Variants in CEP170 observed in about 807,000 individuals in gnomAD.
CEP170 encodes the protein centrosomal protein of 170 kDa.
In CEP170, 21 loss-of-function variants were observed where a neutral mutation model predicts 151.9. That is an observed-to-expected ratio of 0.14 (90% CI 0.10 to 0.20). CEP170 has a LOEUF of 0.20. Among genes scored for constraint, CEP170 ranks in the 10% least tolerant of loss-of-function variants. CEP170 has a pLI of 1.00. For synonymous variants in CEP170, 356 were observed against 648.8 expected (o/e 0.55, Z 6.86); for missense variants, 964 against 1,892.9 (o/e 0.51, Z 9.11).
chr1:243,190,176 C>T (rs899792175), intron 8 of CEP170, among the ~76,000 whole-genome samples: 3 of 152,170 alleles, frequency 2.0e-5, no homozygotes, highest in African/African-American at 7.2e-5. Context: ...AGTACAAAAA[C>T]TCCTAATATA....
intron 1 of CEP170, among the ~76,000 whole-genome samples, chr1:243,229,550 A>G (rs1261793639): frequency 1.3e-5 from 2 of 152,196 alleles, no homozygotes; most frequent in Non-Finnish European, 2.9e-5. Context: ...GCCATCTTTC[A>G]TGGTAGCAGC....
intron 17 of CEP170, among the ~76,000 whole-genome samples, chr1:243,133,822 A>G (rs1256886525): frequency 2.6e-5 from 4 of 152,242 alleles, no homozygotes; most frequent in African/African-American, 9.6e-5. Flanking sequence ...TAAGACAATA[A>G]CAGGGTGCTA....
intron 10 of CEP170, among the ~76,000 whole-genome samples, chr1:243,183,709 T>C (rs1303789447): frequency 6.6e-6 from 1 of 152,168 alleles, no homozygotes; most frequent in Non-Finnish European, 1.5e-5. Flanking sequence ...CTTCATTTTC[T>C]GGTTTATACA....
At chr1:243,132,824 G>C (rs1439148154) in intron 17 of CEP170, among the ~76,000 whole-genome samples, 1 of 152,160 alleles carries the variant, frequency 6.6e-6, no homozygotes, top group East Asian at 1.9e-4. Context: ...TAAGACTCCA[G>C]TTAGCAGGGA....
chr1:243,133,285 C>T lies in CEP170; in HGVS notation c.4319+2858G>A, dbSNP rs543576793. On this transcript the variant is annotated intron_variant, in intron 17 of 19. Coordinates refer to ENST00000366542, the MANE Select transcript of CEP170 (RefSeq NM_014812.3). ...TAATTAACTGTTTACCTGCCTTCTA[C>T]ACTCAAATGTGAGGACATCAAAAAC... Among the ~76,000 whole-genome samples, 7 of 152,338 alleles carry T rather than the reference C, an allele frequency of 4.6e-5. No homozygotes were observed. In the East Asian group the frequency reaches 1.4e-3, roughly 29 times the overall value.
At chr1:243,239,050 A>G (rs2064535879) in intron 1 of CEP170, among the ~76,000 whole-genome samples, 1 of 152,226 alleles carries the variant, frequency 6.6e-6, no homozygotes, top group Admixed American at 6.5e-5. Flanking sequence ...TGGGCTTCCA[A>G]TATTGCTTAT....
chr1:243,178,911 G>A (rs2059435929), intron 10 of CEP170, among the ~76,000 whole-genome samples: 1 of 151,976 alleles, frequency 6.6e-6, no homozygotes, highest in Non-Finnish European at 1.5e-5. Flanking sequence ...GTAGAGAGGG[G>A]GTTTCACCGT....
In CEP170 at chr1:243,152,521, ATTTTTTTTT is replaced by A. The variant is rs371392454; in HGVS notation, c.3911+3691_3911+3699del. Among the ~76,000 whole-genome samples the A allele has an allele frequency of 5.9e-3, 326 of 54,948 alleles. 4 individuals carry two copies. Among genetic ancestry groups the A allele is most frequent in the African/African-American group, 0.02 (261 of 13,264 alleles). 36.0% of individuals were successfully genotyped at this position (54,948 alleles called of 152,430 possible). A position where few individuals can be genotyped will look rare whatever the true frequency, so the allele number is the denominator to read the frequency against. ...CAGGCGTGAGCCACCGCGCCCAGCC[ATTTTTTTTT>A]TTTTTTTTTTTTTTTTTTTGAGATA... On this transcript the variant is annotated intron_variant, in intron 14 of 19. Coordinates refer to ENST00000366542, the MANE Select transcript of CEP170 (RefSeq NM_014812.3).
At chr1:243,168,575 T>A (rs2058611634) in intron 12 of CEP170, among the ~76,000 whole-genome samples, 1 of 151,900 alleles carries the variant, frequency 6.6e-6, no homozygotes, top group South Asian at 2.1e-4. Flanking sequence ...GAGTTAACAC[T>A]TTTTGTGATG....
chr1:243,197,658 T>C (rs1224409059), intron 7 of CEP170, among the ~76,000 whole-genome samples: 1 of 151,988 alleles, frequency 6.6e-6, no homozygotes, highest in African/African-American at 2.4e-5. Flanking sequence ...AACTCCTCAG[T>C]CTGCAACCAC....
At chr1:243,207,136 G>A (rs780998227) in intron 4 of CEP170, among the ~76,000 whole-genome samples, 22 of 151,968 alleles carry the variant, frequency 1.4e-4, no homozygotes, top group Non-Finnish European at 2.1e-4. Flanking sequence ...AAAAATTATC[G>A]TATCAGATAA....
chr1:243,150,211 C>T (rs188275636), intron 14 of CEP170, among the ~76,000 whole-genome samples: 4 of 152,230 alleles, frequency 2.6e-5, no homozygotes, highest in African/African-American at 2.4e-5. Context: ...AGTGCAGTGG[C>T]GTGATCTCGG....
At chr1:243,242,319 C>T (rs1049001597) in intron 1 of CEP170, among the ~76,000 whole-genome samples, 2 of 151,912 alleles carry the variant, frequency 1.3e-5, no homozygotes, top group South Asian at 2.1e-4. Flanking sequence ...CCCGGGTTCA[C>T]GCCATTCTCC....
At chr1:243,152,473 A>T (rs904467033) in intron 14 of CEP170, among the ~76,000 whole-genome samples, 1 of 145,590 alleles carries the variant, frequency 6.9e-6, no homozygotes, top group Non-Finnish European at 1.5e-5. Flanking sequence ...CACCCGCCTC[A>T]ACCTCCCAAA....
chr1:243,157,060 T>TA (rs1244065483), intron 13 of CEP170, among the ~76,000 whole-genome samples: 3 of 152,102 alleles, frequency 2.0e-5, no homozygotes, highest in East Asian at 1.9e-4. Flanking sequence ...TTTTACGTGG[T>TA]AAAAAAACAC....
Position 243,125,139 on chromosome 1 carries a change from G to A in CEP170, c.*1310C>T, listed in dbSNP as rs1466782812. The A allele has an allele frequency of 6.6e-6, 1 of 151,950 alleles. No individual in the cohort carries two copies. Among genetic ancestry groups the A allele is most frequent in the African/African-American group, 2.4e-5 (1 of 41,362 alleles). 9.4% of individuals were successfully genotyped at this position (151,950 alleles called of 1,614,324 possible). On this transcript the variant is annotated 3_prime_UTR_variant, in exon 20 of 20. Coordinates refer to ENST00000366542, the MANE Select transcript of CEP170 (RefSeq NM_014812.3). ...GATGGGGTCAAGGGGGAAAATCCAG[G>A]TCTACTAATAATATTTAACTGAATT...
chr1:243,198,591 G>A (rs552195379), intron 7 of CEP170, among the ~76,000 whole-genome samples: 1 of 152,206 alleles, frequency 6.6e-6, no homozygotes, highest in South Asian at 2.1e-4. Context: ...AAGATGGCTT[G>A]AGTCCAGGAG....
rs749581989 is a variant in CEP170 at position 243,186,150 on chromosome 1, A to G, written c.1273-78T>C. On this transcript the variant is annotated intron_variant, in intron 9 of 19. Transcript: ENST00000366542. The stretch of plus-strand genomic sequence containing the variant: ...TCAAGTTTTGTATGTGGTGTTGAAT[A>G]TGTAGTTTCCTGACACAAGATTCCC... The G allele has an allele frequency of 2.8e-5, 45 of 1,613,248 alleles. 2 individuals carry two copies. In the Admixed American group the frequency reaches 4.8e-4, roughly 17 times the overall value.
intron 1 of CEP170, among the ~76,000 whole-genome samples, chr1:243,248,784 C>T (rs1386968878): frequency 6.6e-6 from 1 of 152,160 alleles, no homozygotes; most frequent in Non-Finnish European, 1.5e-5. Context: ...GCTCAAAATC[C>T]TCCAATGAAT....
Sources: gnomAD v4.1 joint callset for allele counts (sites outside exome capture counted in the v4.1 genomes callset) on GRCh38, gnomAD v4.1.1 for gene constraint, MANE v1.5 for transcripts, NCBI Gene and HGNC (gene_info 2026-07-23, HGNC 2026-07-21) for gene names.